PECR: variants seen among roughly 807,000 people sequenced by gnomAD.
PECR encodes the protein 2,4-dienoyl-CoA reductase-related protein.
Under a neutral mutation model 35.3 loss-of-function variants are expected in PECR, and 30 were observed. That is an observed-to-expected ratio of 0.85 (90% CI 0.64 to 1.15). The LOEUF is 1.15. Among genes scored for constraint, PECR ranks in the 50% most tolerant of loss-of-function variants. The pLI is 0.00. For missense variants in PECR, 392 were observed against 370.8 expected (o/e 1.06, Z -0.47); for synonymous variants, 148 against 138.9 (o/e 1.07, Z -0.46).
At chr2:216,047,863 T>C (rs1024276479) in intron 6 of PECR, among the ~76,000 whole-genome samples, 62 of 152,290 alleles carry the variant, frequency 4.1e-4, no homozygotes, top group African/African-American at 1.4e-3. Flanking sequence ...CATCAAGGAA[T>C]ATTATATGCC....
At chr2:216,034,592 G>T (rs1694764409), downstream of PECR, among the ~76,000 whole-genome samples, 1 of 152,122 alleles carries the variant, frequency 6.6e-6, no homozygotes, top group South Asian at 2.1e-4. Flanking sequence ...TTCAGGAGTG[G>T]CCCCGTGATG....
At chr2:216,055,433 A>G (rs7606130) in intron 4 of PECR, among the ~76,000 whole-genome samples, 109,332 of 147,048 alleles carry the variant, frequency 0.74, 40,830 homozygotes, top group Admixed American at 0.77. Flanking sequence ...ACAAAATTCC[A>G]TCTCAAAAAA....
chr2:216,046,881 A>T (rs1016972476), intron 6 of PECR, among the ~76,000 whole-genome samples: 5 of 152,262 alleles, frequency 3.3e-5, no homozygotes, highest in Admixed American at 6.5e-5. Context: ...AAATATAAAT[A>T]AAATCCAAAT....
intron 7 of PECR, among the ~76,000 whole-genome samples, chr2:216,042,186 T>C (rs1330680076): frequency 6.6e-6 from 1 of 152,170 alleles, no homozygotes; most frequent in African/African-American, 2.4e-5. Context: ...GTGTCAGAAC[T>C]GAATGAGAGG....
intron 4 of PECR, chr2:216,057,905 T>A (rs1695259780): frequency 6.6e-6 from 1 of 152,164 alleles, no homozygotes; most frequent in South Asian, 2.1e-4. Context: ...CTGGCATGAC[T>A]TGAGAGGCAC....
At chr2:216,042,966 CATACGTATAT>C (rs1694914946) in intron 7 of PECR, among the ~76,000 whole-genome samples, 3 of 97,506 alleles carry the variant, frequency 3.1e-5, no homozygotes, top group Non-Finnish European at 6.4e-5. Context: ...TATATATACA[CATACGTATAT>C]GTGTATATAT....
intron 5 of PECR, 83 bp from the exon 6 acceptor site, chr2:216,049,456 C>A (rs906275502): frequency 1.5e-6 from 1 of 663,138 alleles, no homozygotes; most frequent in East Asian, 2.8e-5. Context: ...ACTCTACTGG[C>A]ATTTCAAACA....
At chr2:216,036,583 C>A (rs1694795922), downstream of PECR, among the ~76,000 whole-genome samples, 1 of 152,170 alleles carries the variant, frequency 6.6e-6, no homozygotes. Context: ...TTCCTGTGGG[C>A]CACTGTAAAT....
chr2:216,080,275 C>T (rs1695807736), intron 1 of PECR, among the ~76,000 whole-genome samples: 1 of 152,052 alleles, frequency 6.6e-6, no homozygotes, highest in Admixed American at 6.5e-5. Flanking sequence ...GGAGTTTCAC[C>T]ATGTTGGCCA....
intron 1 of PECR, among the ~76,000 whole-genome samples, chr2:216,068,128 G>A (rs905896711): frequency 5.3e-5 from 8 of 149,658 alleles, no homozygotes; most frequent in Non-Finnish European, 1.5e-5. Context: ...TCAGGAGGCT[G>A]AGGCAGGATA....
intron 7 of PECR, chr2:216,033,029 G>A (rs1694734480): frequency 6.6e-6 from 1 of 152,162 alleles, no homozygotes; most frequent in African/African-American, 2.4e-5. Flanking sequence ...CATAATTCAT[G>A]AGGCCATTTT....
At chr2:216,041,474 G>T (rs917485010) in intron 7 of PECR, among the ~76,000 whole-genome samples, 1 of 152,154 alleles carries the variant, frequency 6.6e-6, no homozygotes, top group Non-Finnish European at 1.5e-5. Context: ...TGAAATACAT[G>T]TGGGAGGGGA....
At chr2:216,079,100 G>T (rs1382006467) in intron 1 of PECR, among the ~76,000 whole-genome samples, 1 of 151,570 alleles carries the variant, frequency 6.6e-6, no homozygotes, top group Non-Finnish European at 1.5e-5. Flanking sequence ...GAATAAACTG[G>T]GCAGTAATGG....
intron 1 of PECR, among the ~76,000 whole-genome samples, chr2:216,068,685 G>A (rs897022488): frequency 1.3e-5 from 2 of 151,992 alleles, no homozygotes; most frequent in African/African-American, 2.4e-5. Flanking sequence ...TGTTGCCTAG[G>A]CTGGTGTGCA....
At chr2:216,050,154 C>T (rs1695078282) in intron 5 of PECR, among the ~76,000 whole-genome samples, 4 of 152,128 alleles carry the variant, frequency 2.6e-5, no homozygotes, top group South Asian at 2.1e-4. Flanking sequence ...CCCAGGAGTT[C>T]GAGGCTGCAG....
chr2:216,080,174 C>A (rs1365848838), intron 1 of PECR, among the ~76,000 whole-genome samples: 5 of 151,854 alleles, frequency 3.3e-5, no homozygotes, highest in Non-Finnish European at 7.4e-5. Context: ...CTCTGCCTCC[C>A]AGGTTCAAGC....
chr2:216,077,080 G>T (rs2105970701), intron 1 of PECR, among the ~76,000 whole-genome samples: 1 of 151,790 alleles, frequency 6.6e-6, no homozygotes, highest in South Asian at 2.1e-4. Context: ...TGTATTTTTA[G>T]TAGAGATGGG....
At chr2:216,071,821 C>A (rs563208662) in intron 1 of PECR, among the ~76,000 whole-genome samples, 1 of 152,326 alleles carries the variant, frequency 6.6e-6, no homozygotes, top group South Asian at 2.1e-4. Context: ...TTTGTCCCTG[C>A]AGGCCTCTTT....
At chr2:216,047,127 G>A (rs546516986) in intron 6 of PECR, among the ~76,000 whole-genome samples, 21 of 152,024 alleles carry the variant, frequency 1.4e-4, no homozygotes, top group Non-Finnish European at 2.6e-4. Flanking sequence ...GTGTGGTGGC[G>A]CATGCCTGTA....
Sources: gnomAD v4.1 joint callset for allele counts (sites outside exome capture counted in the v4.1 genomes callset) on GRCh38, gnomAD v4.1.1 for gene constraint, MANE v1.5 for transcripts, NCBI Gene and HGNC (gene_info 2026-07-23, HGNC 2026-07-21) for gene names.